MICAL2: variants seen among roughly 807,000 people sequenced by gnomAD.
MICAL2 encodes microtubule associated monooxygenase, calponin and LIM domain containing 2.
A neutral mutation model predicts 127.3 loss-of-function variants in MICAL2; 77 were observed. The ratio of observed to expected loss-of-function variants is 0.60; its 90% CI spans 0.50 to 0.73. The LOEUF is 0.73. Among genes scored for constraint, MICAL2 ranks in the 30% least tolerant of loss-of-function variants. The probability of loss-of-function intolerance (pLI) is 0.00; values close to 1 mark genes in which losing one functional copy is unlikely to be tolerated. For missense variants in MICAL2, 1,351 were observed against 1,434.4 expected (o/e 0.94, Z 0.94); for synonymous variants, 570 against 551.1 (o/e 1.03, Z -0.48).
chr11:12,211,641 G>T (rs181657250), intron 6 of MICAL2, among the ~76,000 whole-genome samples: 90 of 152,290 alleles, frequency 5.9e-4, no homozygotes, highest in African/African-American at 2.0e-3. Context: ...GACTAGGAGG[G>T]AGACACACTG....
intron 1 of MICAL2, among the ~76,000 whole-genome samples, chr11:12,119,279 T>C (rs1382452650): frequency 6.6e-6 from 1 of 152,236 alleles, no homozygotes; most frequent in African/African-American, 2.4e-5. Context: ...GTCTGTTTAT[T>C]GCTGAAACTT....
At chr11:12,343,985 G>A (rs185243703) in intron 32 of MICAL2, among the ~76,000 whole-genome samples, 304 of 152,274 alleles carry the variant, frequency 2.0e-3, no homozygotes, top group African/African-American at 7.2e-3. Context: ...GCTGAATTAA[G>A]CCCCTGCTTT....
intron 8 of MICAL2, 146 bp from the exon 9 acceptor site, chr11:12,220,055 T>C: frequency 1.1e-6 from 1 of 941,188 alleles, no homozygotes; most frequent in South Asian, 1.7e-5. Context: ...TTATTTCCTC[T>C]TTATTCCCTT....
chr11:12,227,066 T>C lies in MICAL2; in HGVS notation c.1930T>C (p.Leu644=). 6.2e-7 allele frequency: 1 copy of C among 1,614,200 alleles called. No individual in the cohort carries two copies. The highest frequency in any genetic ancestry group is 1.1e-5 in the South Asian group (1 of 91,090). ...KNYGENADLS[L]AKSSISNNYL... is the part of the protein sequence containing the mutation. Reference sequence around the variant, plus strand: ...CTATGGAGAAAATGCTGACCTCAGCTTGGCCAAATCATCCATTTCTAATAA... The same window carrying C: ...CTATGGAGAAAATGCTGACCTCAGCCTGGCCAAATCATCCATTTCTAATAA... Residue 644 remains leucine (L), a synonymous_variant, in exon 15 of 28, where the codon TTG becomes CTG. Coordinates refer to ENST00000683283, the MANE Select transcript of MICAL2 (RefSeq NM_001282663.2).
chr11:12,235,538 G>T (rs1294745545), intron 15 of MICAL2, among the ~76,000 whole-genome samples: 6 of 152,186 alleles, frequency 3.9e-5, no homozygotes, highest in African/African-American at 1.4e-4. Flanking sequence ...AGGCTGTATG[G>T]TCACGCTAGT....
downstream of MICAL2, chr11:12,294,086 AGAG>A: frequency 6.2e-7 from 1 of 1,614,140 alleles, no homozygotes; most frequent in Middle Eastern, 1.6e-4. Context: ...TGAGAATGGT[AGAG>A]GAGGCCGTGT....
intron 32 of MICAL2, among the ~76,000 whole-genome samples, chr11:12,335,071 A>T (rs1258723376): frequency 1.3e-5 from 2 of 151,486 alleles, no homozygotes; most frequent in Non-Finnish European, 2.9e-5. Context: ...TCCCACCAAC[A>T]GTGTAAAAGT....
At chr11:12,224,944 A>G in intron 13 of MICAL2, 124 bp downstream of exon 13, 2 of 1,242,836 alleles carry the variant, frequency 1.6e-6, no homozygotes, top group South Asian at 3.0e-5. Flanking sequence ...GATTTTTCTT[A>G]ACATTTGTTC....
At chr11:12,346,988 G>A (rs919257191) in intron 32 of MICAL2, among the ~76,000 whole-genome samples, 1 of 152,058 alleles carries the variant, frequency 6.6e-6, no homozygotes, top group African/African-American at 2.4e-5. Flanking sequence ...TCTACAGCAT[G>A]AAGTGCAAAT....
chr11:12,207,236 T>C (rs1042243645), intron 4 of MICAL2, among the ~76,000 whole-genome samples: 4 of 152,154 alleles, frequency 2.6e-5, no homozygotes, highest in African/African-American at 9.7e-5. Context: ...TCTTGCCCCA[T>C]TCTATTTACC....
chr11:12,338,897 T>A (rs1351064028), intron 32 of MICAL2, among the ~76,000 whole-genome samples: 1 of 152,238 alleles, frequency 6.6e-6, no homozygotes, highest in Non-Finnish European at 1.5e-5. Context: ...ATTTTTTCCT[T>A]CATTTCAACT....
In MICAL2 at chr11:12,350,706, C is replaced by T. The variant is rs146997041; in HGVS notation, c.5615+769C>T. 1.6e-3 allele frequency among the ~76,000 whole-genome samples: 247 copies of T among 152,144 alleles called. 3 individuals are homozygous for T. Among genetic ancestry groups the T allele is most frequent in the African/African-American group, 5.7e-3 (235 of 41,500 alleles). On this transcript the variant is annotated intron_variant, in intron 33 of 34. Coordinates refer to the MICAL2 transcript ENST00000646065. ...AACATCAAAATATTATCTTTATTAC[C>T]GATAATGGCTTATATGATAATGGCT...
At chr11:12,189,007 C>A (rs532743626) in intron 3 of MICAL2, among the ~76,000 whole-genome samples, 152 of 152,282 alleles carry the variant, frequency 1.0e-3, no homozygotes, top group African/African-American at 3.5e-3. Context: ...TCTCCCCTCC[C>A]ACTCCCTAAA....
intron 1 of MICAL2, among the ~76,000 whole-genome samples, chr11:12,279,220 G>C (rs1049638434): frequency 1.5e-4 from 23 of 152,176 alleles, no homozygotes; most frequent in African/African-American, 5.6e-4. Flanking sequence ...AGAGGCTGCT[G>C]GAGAGCCCAG....
Position 12,227,007 on chromosome 11 carries a change from C to G in MICAL2, c.1889-18C>G. On this transcript the variant is annotated intron_variant, in intron 14 of 27. Transcript: ENST00000683283. ...AGAGCCAGGTTCCAAATCACAGTTG[C>G]GCTTTATTTCCCAACAGATTCTTGG... The G allele has an allele frequency of 6.3e-7, 1 of 1,594,134 alleles. No individual in the cohort carries two copies. Among genetic ancestry groups the G allele is most frequent in the South Asian group, 1.1e-5 (1 of 90,630 alleles).
chr11:12,258,782 T>C (rs1862677853), intron 25 of MICAL2, among the ~76,000 whole-genome samples: 1 of 152,250 alleles, frequency 6.6e-6, no homozygotes, highest in African/African-American at 2.4e-5. Flanking sequence ...ACAGTAGCCA[T>C]GCTGGCTTCT....
intron 30 of MICAL2, among the ~76,000 whole-genome samples, chr11:12,323,823 A>G (rs890757039): frequency 1.3e-5 from 2 of 152,190 alleles, no homozygotes; most frequent in Non-Finnish European, 2.9e-5. Flanking sequence ...GGTTATTTCT[A>G]TCATTGCAGA....
chr11:12,307,835 C>T (rs568364030), intron 29 of MICAL2, among the ~76,000 whole-genome samples: 6 of 152,310 alleles, frequency 3.9e-5, no homozygotes, highest in Admixed American at 3.3e-4. Flanking sequence ...CATCTTTACA[C>T]TAAAAGCACA....
intron 1 of MICAL2, among the ~76,000 whole-genome samples, chr11:12,136,542 A>T (rs1403543667): frequency 6.6e-6 from 1 of 152,056 alleles, no homozygotes; most frequent in African/African-American, 2.4e-5. Flanking sequence ...GGGTACCTGG[A>T]GGGGGGCAGC....
Sources: allele counts gnomAD v4.1 joint callset (sites outside exome capture counted in the v4.1 genomes callset), GRCh38; gene constraint gnomAD v4.1.1; transcripts MANE v1.5; gene names NCBI Gene and HGNC (gene_info 2026-07-23, HGNC 2026-07-21).